The following PPP1R9A variants were observed in gnomAD, a reference collection of about 807,000 sequenced individuals.
PPP1R9A encodes protein phosphatase 1 regulatory subunit 9A.
A neutral mutation model predicts 141.9 loss-of-function variants in PPP1R9A; 59 were observed. The observed-to-expected ratio is 0.42, with a 90% CI of 0.34 to 0.52. The LOEUF (loss-of-function observed/expected upper bound fraction) is 0.52. Ranked by LOEUF, PPP1R9A falls within the 20% of genes least tolerant of loss-of-function variation. The pLI, the probability that PPP1R9A is intolerant of heterozygous loss-of-function variation, is 0.10. For synonymous variants in PPP1R9A, 500 were observed against 569.7 expected, an observed-to-expected ratio of 0.88 and a Z score of 1.74; for missense variants, 1,444 against 1,611.9, an observed-to-expected ratio of 0.90 and a Z score of 1.78.
intron 7 of PPP1R9A, 91 bp downstream of exon 7, chr7:95,203,821 A>C (rs1790112061): frequency 1.0e-6 from 1 of 974,580 alleles, no homozygotes; most frequent in African/African-American, 1.6e-5. Flanking sequence ...AACTATCTGT[A>C]TGTTCTGAAG....
At chr7:94,965,803 CT>C (rs376072236) in intron 2 of PPP1R9A, among the ~76,000 whole-genome samples, 36 of 146,156 alleles carry the variant, frequency 2.5e-4, no homozygotes, top group Non-Finnish European at 3.6e-4. Context: ...GCTATATGGG[CT>C]TTTTTTTTTG....
chr7:95,153,945 CTT>C (rs1030029847), intron 4 of PPP1R9A, among the ~76,000 whole-genome samples: 1 of 152,050 alleles, frequency 6.6e-6, no homozygotes, highest in African/African-American at 2.4e-5. Context: ...TTATAATAGT[CTT>C]TGATGAACTT....
intron 4 of PPP1R9A, chr7:95,154,662 A>T (rs1301614964): frequency 6.6e-6 from 1 of 151,994 alleles, no homozygotes. Flanking sequence ...ATTTATTAAT[A>T]CTCTTCTTAG....
At chr7:95,226,160 T>G in intron 8 of PPP1R9A, 44 bp downstream of exon 8, 1 of 1,556,774 alleles carries the variant, frequency 6.4e-7, no homozygotes, top group Non-Finnish European at 8.8e-7. Flanking sequence ...CCTGTCCATT[T>G]CATTAAGTAT....
At chr7:95,085,822 A>G (rs1015991015) in intron 2 of PPP1R9A, among the ~76,000 whole-genome samples, 1 of 151,988 alleles carries the variant, frequency 6.6e-6, no homozygotes, top group Non-Finnish European at 1.5e-5. Context: ...AAATTTTAAT[A>G]CTATCATAAT....
intron 3 of PPP1R9A, among the ~76,000 whole-genome samples, chr7:95,117,981 A>G (rs745845976): frequency 5.7e-4 from 87 of 152,332 alleles, no homozygotes; most frequent in Non-Finnish European, 1.0e-3. Context: ...CACTATGGGA[A>G]GGCTTTCAGC....
At chr7:94,923,080 A>T (rs1793045089) in intron 2 of PPP1R9A, among the ~76,000 whole-genome samples, 1 of 152,182 alleles carries the variant, frequency 6.6e-6, no homozygotes, top group African/African-American at 2.4e-5. Flanking sequence ...TGAATTCATT[A>T]AGTGCATATT....
At chr7:95,257,087 A>AT (rs1297699442) in intron 12 of PPP1R9A, among the ~76,000 whole-genome samples, 1 of 152,082 alleles carries the variant, frequency 6.6e-6, no homozygotes, top group African/African-American at 2.4e-5. Flanking sequence ...ATATGGATGA[A>AT]TTGCTTGGCC....
At chr7:95,193,277 A>T (rs939457721) in intron 5 of PPP1R9A, among the ~76,000 whole-genome samples, 1 of 152,114 alleles carries the variant, frequency 6.6e-6, no homozygotes, top group Admixed American at 6.5e-5. Context: ...ATGAAGAGAT[A>T]TATGTACTTT....
intron 2 of PPP1R9A, among the ~76,000 whole-genome samples, chr7:94,977,617 G>A (rs1016359372): frequency 6.6e-6 from 1 of 152,094 alleles, no homozygotes; most frequent in Non-Finnish European, 1.5e-5. Context: ...AAGTCAGACT[G>A]TTTATCAATC....
chr7:95,285,267 G>A (rs1444671069), intron 17 of PPP1R9A, among the ~76,000 whole-genome samples: 3 of 152,220 alleles, frequency 2.0e-5, no homozygotes, highest in Non-Finnish European at 4.4e-5. Flanking sequence ...AAACAAGATG[G>A]TGTTGGTCAA....
At chr7:95,179,085 G>A (rs1833330470) in intron 5 of PPP1R9A, among the ~76,000 whole-genome samples, 1 of 151,894 alleles carries the variant, frequency 6.6e-6, no homozygotes, top group Non-Finnish European at 1.5e-5. Flanking sequence ...AGAAACTGAA[G>A]ACCAATATCT....
intron 5 of PPP1R9A, among the ~76,000 whole-genome samples, chr7:95,164,483 G>T (rs570620280): frequency 6.3e-4 from 96 of 151,528 alleles, no homozygotes; most frequent in African/African-American, 2.2e-3. Flanking sequence ...ATTTGGTTTT[G>T]TGAAATTCTG....
intron 2 of PPP1R9A, among the ~76,000 whole-genome samples, chr7:95,078,086 C>T (rs540120527): frequency 1.1e-4 from 17 of 150,320 alleles, no homozygotes; most frequent in Admixed American, 1.1e-3. Flanking sequence ...CCCATTAACT[C>T]ATCATTTAGC....
chr7:94,915,682 C>T (rs188395116), intron 2 of PPP1R9A, among the ~76,000 whole-genome samples: 5 of 152,284 alleles, frequency 3.3e-5, no homozygotes, highest in East Asian at 1.9e-4. Flanking sequence ...GGAAGGACCA[C>T]GCTACCTGTC....
intron 2 of PPP1R9A, among the ~76,000 whole-genome samples, chr7:95,100,939 G>A (rs1453890773): frequency 5.4e-5 from 7 of 130,186 alleles, no homozygotes; most frequent in African/African-American, 1.7e-4. Context: ...TGCAAGCTCC[G>A]CCTCCCGGGT....
At chr7:95,014,967 G>C (rs1246048635) in intron 2 of PPP1R9A, among the ~76,000 whole-genome samples, 1 of 151,892 alleles carries the variant, frequency 6.6e-6, no homozygotes, top group Non-Finnish European at 1.5e-5. Context: ...TCTGTTTCCT[G>C]TTGAAAAATC....
intron 7 of PPP1R9A, among the ~76,000 whole-genome samples, chr7:95,204,988 ACG>A (rs1790471372): frequency 7.0e-6 from 1 of 142,466 alleles, no homozygotes; most frequent in African/African-American, 2.6e-5. Context: ...CACACCACAG[ACG>A]CACACACCAT....
chr7:95,076,448 T>G (rs1814875356), intron 2 of PPP1R9A, among the ~76,000 whole-genome samples: 2 of 152,316 alleles, frequency 1.3e-5, no homozygotes, highest in South Asian at 4.1e-4. Context: ...TTGTATCTCA[T>G]AAACCAAAGT....
Sources: gnomAD v4.1 joint callset for allele counts (sites outside exome capture counted in the v4.1 genomes callset) on GRCh38, gnomAD v4.1.1 for gene constraint, MANE v1.5 for transcripts, NCBI Gene and HGNC (gene_info 2026-07-23, HGNC 2026-07-21) for gene names.